The following GPR141 variants were observed in gnomAD, a reference collection of about 807,000 sequenced individuals.
GPR141 encodes the protein probable G protein-coupled receptor 141.
Under a neutral mutation model 6.8 loss-of-function variants are expected in GPR141, and 6 were observed. The observed-to-expected ratio is 0.88, with a 90% CI of 0.48 to 1.74. GPR141 has a LOEUF of 1.74. Among genes scored for constraint, GPR141 ranks in the 40% most tolerant of loss-of-function variants. GPR141 has a pLI of 0.01. For synonymous variants in GPR141, 140 were observed against 142.3 expected, an observed-to-expected ratio of 0.98 and a Z score of 0.11; for missense variants, 372 against 372.9, an observed-to-expected ratio of 1.00 and a Z score of 0.02.
At chr7:37,723,029 C>G (rs1213112553) in intron 2 of GPR141, among the ~76,000 whole-genome samples, 1 of 143,338 alleles carries the variant, frequency 7.0e-6, no homozygotes, top group African/African-American at 2.6e-5. Context: ...GTCTGTTGCC[C>G]AGGTTGGAGT....
At chr7:37,690,780 G>C (rs143152874) in intron 2 of GPR141, among the ~76,000 whole-genome samples, 2 of 151,570 alleles carry the variant, frequency 1.3e-5, no homozygotes, top group Non-Finnish European at 2.9e-5. Context: ...AAAAAAAAGT[G>C]TATTCTGCAG....
chr7:37,723,686 C>A (rs1471049367), intron 2 of GPR141, among the ~76,000 whole-genome samples: 5 of 152,196 alleles, frequency 3.3e-5, no homozygotes, highest in African/African-American at 1.2e-4. Context: ...GGCCTCGTCC[C>A]TTACATGTCC....
rs188001198 is a variant in GPR141 at position 37,708,922 on chromosome 7, T to C, written c.-15+23339T>C. ...AAAGGCTTATGAAGGTTTTTTCATA[T>C]GTAATATCTCATTTATGTGCTAAAT... is the stretch of plus-strand genomic sequence containing the variant. On this transcript the variant is annotated intron_variant, in intron 2 of 2. Transcript: ENST00000334425. Among the ~76,000 whole-genome samples the C allele has an allele frequency of 1.4e-3, 220 of 152,300 alleles. 1 individual carries two copies. Among genetic ancestry groups the C allele is most frequent in the African/African-American group, 4.7e-3 (196 of 41,562 alleles).
chr7:37,732,054 T>TTTA (rs1276818996), intron 2 of GPR141, among the ~76,000 whole-genome samples: 7 of 128,312 alleles, frequency 5.5e-5, no homozygotes, highest in African/African-American at 1.4e-4. Context: ...TATTTATTTA[T>TTTA]TTTATTTTTT....
At chr7:37,714,876 A>C (rs541501328) in intron 2 of GPR141, among the ~76,000 whole-genome samples, 8 of 152,334 alleles carry the variant, frequency 5.3e-5, no homozygotes, top group African/African-American at 1.9e-4. Context: ...CTCAAGCATT[A>C]GGAGTTTCAA....
chr7:37,724,928 A>C (rs934375719), intron 2 of GPR141, among the ~76,000 whole-genome samples: 3 of 152,118 alleles, frequency 2.0e-5, no homozygotes, highest in African/African-American at 7.2e-5. Flanking sequence ...TGTCACAGGA[A>C]TAGTCCCAGA....
intron 2 of GPR141, among the ~76,000 whole-genome samples, chr7:37,733,834 A>G (rs575268519): frequency 8.2e-4 from 125 of 152,308 alleles, no homozygotes; most frequent in African/African-American, 2.7e-3. Flanking sequence ...AAATATTCCT[A>G]GAAGATTTTT....
At chr7:37,711,513 G>C (rs1432563525) in intron 2 of GPR141, among the ~76,000 whole-genome samples, 1 of 152,202 alleles carries the variant, frequency 6.6e-6, no homozygotes, top group Non-Finnish European at 1.5e-5. Flanking sequence ...AGAAGACTCA[G>C]CTGCCTCACT....
At chr7:37,715,823 T>C (rs1223509085) in intron 2 of GPR141, among the ~76,000 whole-genome samples, 2 of 152,170 alleles carry the variant, frequency 1.3e-5, no homozygotes, top group East Asian at 3.8e-4. Context: ...GGTGGCAGCA[T>C]TTGTAGGCCG....
At chr7:37,709,896 C>G (rs971756559) in intron 2 of GPR141, 1 of 152,212 alleles carries the variant, frequency 6.6e-6, no homozygotes, top group African/African-American at 2.4e-5. Context: ...GTCAACTTGC[C>G]TCTCTTTCTT....
At chr7:37,694,986 A>T (rs1809949876) in intron 2 of GPR141, among the ~76,000 whole-genome samples, 1 of 152,194 alleles carries the variant, frequency 6.6e-6, no homozygotes, top group South Asian at 2.1e-4. Flanking sequence ...GGCAGTGTAC[A>T]GCCTCAGCTT....
Position 37,740,360 on chromosome 7 carries a change from T to C in GPR141, c.-14-20T>C. 6.8e-7 allele frequency: 1 copy of C among 1,472,656 alleles called. No homozygotes were observed. The highest frequency in any genetic ancestry group is 9.3e-7 in the Non-Finnish European group (1 of 1,074,380). 91.2% of individuals were successfully genotyped at this position (1,472,656 alleles called of 1,614,324 possible). A position where few individuals can be genotyped will look rare whatever the true frequency, so the allele number is the denominator to read the frequency against. On this transcript the variant is annotated intron_variant, in intron 2 of 2. Coordinates refer to ENST00000334425, the MANE Select transcript of GPR141 (RefSeq NM_001381946.1). ...AGCTCTGAAAGCTTGTCAGTTACTC[T>C]GGTGCTTTTTCTCCTCCAGGTGACT...
intron 2 of GPR141, among the ~76,000 whole-genome samples, chr7:37,699,863 G>A (rs553088622): frequency 2.0e-5 from 3 of 152,148 alleles, no homozygotes; most frequent in South Asian, 2.1e-4. Flanking sequence ...TTCCAAACAC[G>A]ACAGAGAATC....
At chr7:37,703,004 C>T (rs1474297233) in intron 2 of GPR141, among the ~76,000 whole-genome samples, 1 of 151,894 alleles carries the variant, frequency 6.6e-6, no homozygotes, top group East Asian at 1.9e-4. Context: ...GATTTTCCTT[C>T]CTGTGTAACT....
At chr7:37,737,293 T>C (rs1398662770) in intron 2 of GPR141, among the ~76,000 whole-genome samples, 1 of 152,218 alleles carries the variant, frequency 6.6e-6, no homozygotes, top group Non-Finnish European at 1.5e-5. Context: ...TCCTGTTTCT[T>C]TGATACAGTA....
At chr7:37,691,202 T>G (rs1413755346) in intron 2 of GPR141, among the ~76,000 whole-genome samples, 1 of 151,812 alleles carries the variant, frequency 6.6e-6, no homozygotes, top group Non-Finnish European at 1.5e-5. Context: ...ATCTGTATTA[T>G]TACAGGTGAA....
intron 2 of GPR141, among the ~76,000 whole-genome samples, chr7:37,710,430 G>A (rs976569705): frequency 2.0e-5 from 3 of 152,130 alleles, no homozygotes; most frequent in African/African-American, 7.2e-5. Context: ...AATCCCAGAT[G>A]TAATATCATT....
intron 2 of GPR141, among the ~76,000 whole-genome samples, chr7:37,726,538 A>G (rs924687584): frequency 3.9e-5 from 6 of 152,344 alleles, no homozygotes; most frequent in South Asian, 4.1e-4. Flanking sequence ...ACAATGTTAG[A>G]AGAATGATAA....
At chr7:37,700,721 T>C (rs907708059) in intron 2 of GPR141, among the ~76,000 whole-genome samples, 1 of 152,230 alleles carries the variant, frequency 6.6e-6, no homozygotes, top group African/African-American at 2.4e-5. Flanking sequence ...TCATACAATT[T>C]ATACATTCAT....
Sources: gnomAD v4.1 joint callset for allele counts (sites outside exome capture counted in the v4.1 genomes callset) on GRCh38, gnomAD v4.1.1 for gene constraint, MANE v1.5 for transcripts, NCBI Gene and HGNC (gene_info 2026-07-23, HGNC 2026-07-21) for gene names.